The following IKZF5 variants were observed in gnomAD, a reference collection of about 807,000 sequenced individuals.
The protein encoded by IKZF5 is zinc finger protein Pegasus.
In IKZF5, 4 loss-of-function variants were observed where a neutral mutation model predicts 30.7. The ratio of observed to expected loss-of-function variants is 0.13; its 90% CI spans 0.06 to 0.30. The LOEUF is 0.30. Among genes scored for constraint, IKZF5 ranks in the 10% least tolerant of loss-of-function variants. IKZF5 has a pLI of 1.00. For missense variants in IKZF5, 348 were observed against 525.5 expected (o/e 0.66, Z 3.30); for synonymous variants, 148 against 179.6 (o/e 0.82, Z 1.41).
chr10:122,999,166 C>G (rs1394863575), intron 2 of IKZF5, among the ~76,000 whole-genome samples: 1 of 152,188 alleles, frequency 6.6e-6, no homozygotes, highest in South Asian at 2.1e-4. Flanking sequence ...TGGACTCCAA[C>G]CTGGTTGACA....
chr10:122,994,162 G>A lies in IKZF5; in HGVS notation c.878C>T (p.Thr293Ile), dbSNP rs569215927. 1.7e-5 allele frequency: 28 copies of A among 1,614,160 alleles called. No homozygotes were observed. The East Asian group carries it at 6.0e-4, about 35-fold the overall frequency. The change falls in exon 5 of 5, where the codon ACC becomes ATC. Residue 293 changes from threonine (T) to isoleucine (I), a missense_variant. By Grantham distance (89) the Thr-to-Ile change is moderately conservative (BLOSUM62 -1). Coordinates refer to ENST00000368886, the MANE Select transcript of IKZF5 (RefSeq NM_001372123.1). The surrounding 1 kb of genome is among the most constrained non-coding windows in gnomAD (Gnocchi z 5.6). ...TGATACGGCAGAAACTACTGCTTGG[G>A]TAGAGGGCTGCTGAATCATGAAAGG... Reference protein sequence around the residue: ...EKPFMIQQPSTQAVVSAVSAS... With the variant: ...EKPFMIQQPSIQAVVSAVSAS...
In IKZF5 at chr10:122,998,363, T is replaced by C. The variant is rs556261788; in HGVS notation, c.133+130A>G. The C allele has an allele frequency of 4.0e-4, 287 of 708,720 alleles. 3 individuals carry two copies. In the South Asian group the frequency reaches 5.7e-3, roughly 14 times the overall value. 43.9% of individuals were successfully genotyped at this position (708,720 alleles called of 1,614,324 possible). ...ATATGTTTAAAAAAGGGGGAAAAAA[T>C]GCCCTGTATCTTTCTAGAAAAAACA... On this transcript the variant is annotated intron_variant, in intron 3 of 4. Transcript: ENST00000368886.
intron 4 of IKZF5, among the ~76,000 whole-genome samples, chr10:122,995,558 GAA>G (rs1450700698): frequency 8.5e-5 from 13 of 152,292 alleles, no homozygotes; most frequent in Admixed American, 7.8e-4. Flanking sequence ...ATGTAGTTGG[GAA>G]AGTTTCTCAG....
chr10:122,996,135 C>T lies in IKZF5; in HGVS notation c.175G>A (p.Val59Ile), dbSNP rs1849364153. 1 of 1,613,938 alleles carries T rather than the reference C, an allele frequency of 6.2e-7. No homozygotes were observed. Among genetic ancestry groups the T allele is most frequent in the Non-Finnish European group, 8.5e-7 (1 of 1,180,024 alleles). ...GAGTTTTCATCCAAGGAAACTTCAA[C>T]AGATGGGTGATCAAGTCCATTTTGA... The part of the protein sequence containing the change: ...GDQNGLDHPS[V>I]EVSLDENSGM... Residue 59 changes from valine (V) to isoleucine (I), a missense_variant, in exon 4 of 5, where the codon GTT (valine) becomes ATT (isoleucine). By Grantham distance (29) the Val-to-Ile change is conservative (BLOSUM62 3). Transcript: ENST00000368886.
intron 2 of IKZF5, among the ~76,000 whole-genome samples, chr10:123,002,803 A>C (rs1318624178): frequency 4.0e-5 from 6 of 151,796 alleles, no homozygotes; most frequent in Admixed American, 1.3e-4. Flanking sequence ...AAAAAAAAAA[A>C]ACCAAAACAT....
At chr10:122,995,573 G>A (rs1482044774) in intron 4 of IKZF5, among the ~76,000 whole-genome samples, 3 of 152,196 alleles carry the variant, frequency 2.0e-5, no homozygotes, top group Non-Finnish European at 4.4e-5. Context: ...TTTCTCAGAA[G>A]GGACAGCTAA....
At chr10:123,006,753 C>T (rs1417372062) in intron 2 of IKZF5, among the ~76,000 whole-genome samples, 1 of 152,190 alleles carries the variant, frequency 6.6e-6, no homozygotes, top group Admixed American at 6.5e-5. Context: ...TGTGTTTACC[C>T]TCCATAGCCT....
chr10:122,994,351 A>G lies in IKZF5; in HGVS notation c.689T>C (p.Met230Thr), dbSNP rs1440054630. 3.1e-6 allele frequency: 5 copies of G among 1,614,128 alleles called. No individual in the cohort carries two copies. Among genetic ancestry groups the G allele is most frequent in the Middle Eastern group, 1.6e-4 (1 of 6,062 alleles). ...PNIQTDSYES[M>T]AKTTPTGGLP... ...GCCACCAGTTGGTGTGGTTTTTGCC[A>G]TACTTTCATAGGAGTCAGTCTGGAT... Residue 230 changes from methionine to threonine, a missense_variant, in exon 5 of 5, where the codon ATG (methionine) becomes ACG (threonine). Around this residue, in one of 4 missense-constraint regions of IKZF5, gnomAD observed 176 missense variants for 198.2 expected, o/e 0.89. Transcript: ENST00000368886. This position sits in a 1 kb window ranked among gnomAD's most constrained non-coding sequence, Gnocchi z 5.6.
At chr10:123,000,058 T>C (rs1314817966) in intron 2 of IKZF5, among the ~76,000 whole-genome samples, 2 of 152,250 alleles carry the variant, frequency 1.3e-5, no homozygotes, top group African/African-American at 4.8e-5. Flanking sequence ...TCAGCATATA[T>C]GCTTAACTTT....
intron 4 of IKZF5, among the ~76,000 whole-genome samples, chr10:122,995,469 TACAATGATGTGATGAATGAGC>T (rs1392833213): frequency 6.6e-6 from 1 of 151,262 alleles, no homozygotes; most frequent in Non-Finnish European, 1.5e-5. Context: ...GCTCTCAGGC[TACAATGATGTGATGAATGAGC>T]ACAGGATGCA....
rs1012364384 is a variant in IKZF5, at chr10:123,008,789, T to G, written c.-293A>C. ...ACCGTCACAGTCGCCGCCGCCATCT[T>G]TGTTGTGTCTCCGACTCCCTTCCCG... On this transcript the variant is annotated 5_prime_UTR_variant, in exon 1 of 5. Transcript: ENST00000368886. 5.3e-5 allele frequency: 32 copies of G among 602,844 alleles called. No individual in the cohort carries two copies. The highest frequency in any genetic ancestry group is 5.7e-5 in the East Asian group (2 of 35,268). 37.3% of individuals were successfully genotyped at this position (602,844 alleles called of 1,614,324 possible). A position where few individuals can be genotyped will look rare whatever the true frequency, so the allele number is the denominator to read the frequency against.
Position 122,993,054 on chromosome 10 carries a change from C to A in IKZF5, c.*726G>T, listed in dbSNP as rs1244331234. The A allele has an allele frequency of 6.6e-6, 1 of 152,468 alleles. No individual in the cohort carries two copies. The highest frequency in any genetic ancestry group is 1.5e-5 in the Non-Finnish European group (1 of 68,002). The allele number at this position is 152,468 out of a possible 1,614,324, so 9.4% of individuals were successfully genotyped here. ...ATGAAGGATTTAAATGAAAGTCAAA[C>A]TGACAGGGGAAAAAGGCATCTAGCA... On this transcript the variant is annotated 3_prime_UTR_variant, in exon 5 of 5. Coordinates refer to ENST00000368886, the MANE Select transcript of IKZF5 (RefSeq NM_001372123.1).
At position 122,994,116 on chromosome 10, in the gene IKZF5, G is replaced by A. The variant is rs371445435; in HGVS notation, c.924C>T (p.Ser308=). The A allele has an allele frequency of 1.9e-6, 3 of 1,614,030 alleles. No individual in the cohort carries two copies. The highest frequency in any genetic ancestry group is 2.7e-5 in the African/African-American group (2 of 74,894). The change falls in exon 5 of 5, where the codon TCC becomes TCT. Residue 308 remains serine (S), a synonymous_variant. Coordinates refer to ENST00000368886, the MANE Select transcript of IKZF5 (RefSeq NM_001372123.1). This position sits in a 1 kb window ranked among gnomAD's most constrained non-coding sequence, Gnocchi z 5.6. ...SAVSASIPQS[S]SPTSPEPRPS... is the part of the protein sequence containing the mutation. Reference sequence around the variant, plus strand: ...GCCGAGGTTCTGGGCTTGTGGGAGAGGAGCTCTGAGGAATACTTGCTGATA... The same window carrying A: ...GCCGAGGTTCTGGGCTTGTGGGAGAAGAGCTCTGAGGAATACTTGCTGATA...
intron 2 of IKZF5, among the ~76,000 whole-genome samples, chr10:123,002,388 C>T (rs1461244572): frequency 6.6e-6 from 1 of 151,470 alleles, no homozygotes; most frequent in Non-Finnish European, 1.5e-5. Flanking sequence ...GGCATGGCAG[C>T]AGGCGCCTGT....
chr10:123,005,557 T>C (rs1350385617), intron 2 of IKZF5, among the ~76,000 whole-genome samples: 2 of 152,250 alleles, frequency 1.3e-5, no homozygotes, highest in Admixed American at 6.5e-5. Context: ...AGATGTACTC[T>C]TTCTGCTGGT....
intron 2 of IKZF5, among the ~76,000 whole-genome samples, chr10:122,999,735 C>T (rs779203397): frequency 6.6e-6 from 1 of 152,176 alleles, no homozygotes; most frequent in African/African-American, 2.4e-5. Flanking sequence ...AATCCCTGAC[C>T]GTAGTGTAGA....
In IKZF5 at chr10:122,996,126, A is replaced by C. The variant is rs747607329; in HGVS notation, c.184T>G (p.Ser62Ala). The change falls in exon 4 of 5, where the codon TCC becomes GCC. Residue 62 changes from serine (S) to alanine (A), a missense_variant. By Grantham distance (99) the Ser-to-Ala change is moderately conservative. This residue lies in a region of IKZF5 where 80 missense variants were observed against 93.2 expected (regional missense o/e 0.86). Coordinates refer to ENST00000368886, the MANE Select transcript of IKZF5 (RefSeq NM_001372123.1). The stretch of plus-strand genomic sequence containing the variant: ...AACATTCCTGAGTTTTCATCCAAGG[A>C]AACTTCAACAGATGGGTGATCAAGT... ...NGLDHPSVEVSLDENSGMLVD... is the reference protein window; with the variant it reads ...NGLDHPSVEVALDENSGMLVD... 7 of 1,613,990 alleles carry C rather than the reference A, an allele frequency of 4.3e-6. No individual in the cohort carries two copies.
intron 3 of IKZF5, among the ~76,000 whole-genome samples, chr10:122,996,959 C>T (rs905220900): frequency 3.9e-5 from 6 of 152,292 alleles, no homozygotes; most frequent in East Asian, 3.9e-4. Flanking sequence ...TTTATATGTA[C>T]GTTCTAGATC....
At chr10:122,998,367 C>A in intron 3 of IKZF5, 126 bp downstream of exon 3, 1 of 763,350 alleles carries the variant, frequency 1.3e-6, no homozygotes, top group Non-Finnish European at 2.0e-6. Flanking sequence ...AAAAAATGCC[C>A]TGTATCTTTC....
Sources: allele counts gnomAD v4.1 joint callset (sites outside exome capture counted in the v4.1 genomes callset), GRCh38; gene constraint gnomAD v4.1.1; regional missense constraint gnomAD v4.1.1; non-coding constraint Gnocchi (gnomAD v3.1); transcripts MANE v1.5; gene names NCBI Gene and HGNC (gene_info 2026-07-23, HGNC 2026-07-21).